PGAP4: variants seen among roughly 807,000 people sequenced by gnomAD.
The protein encoded by PGAP4 is post-GPI attachment to proteins GalNAc transferase 4.
Under a neutral mutation model 28.2 loss-of-function variants are expected in PGAP4, and 12 were observed. The observed-to-expected ratio is 0.42, with a 90% CI of 0.27 to 0.69. The LOEUF is 0.69. Ranked by LOEUF, PGAP4 falls within the 30% of genes least tolerant of loss-of-function variation. The pLI, the probability that PGAP4 is intolerant of heterozygous loss-of-function variation, is 0.22. For synonymous variants in PGAP4, 205 were observed against 211.8 expected, an observed-to-expected ratio of 0.97 and a Z score of 0.28; for missense variants, 425 against 513.5, an observed-to-expected ratio of 0.83 and a Z score of 1.67.
chr9:101,528,144 T>A (rs1404214697), intron 2 of PGAP4, among the ~76,000 whole-genome samples: 4 of 152,248 alleles, frequency 2.6e-5, no homozygotes, highest in African/African-American at 9.6e-5. Flanking sequence ...CATGGCCTCT[T>A]TGTGCCCTTC....
chr9:101,511,774 C>T (rs1826900688), intron 2 of PGAP4, among the ~76,000 whole-genome samples: 1 of 152,034 alleles, frequency 6.6e-6, no homozygotes, highest in Admixed American at 6.6e-5. Context: ...TCCATCAGGC[C>T]CATCTGAGCA....
upstream of PGAP4, among the ~76,000 whole-genome samples, chr9:101,491,128 G>A (rs951014049): frequency 3.9e-5 from 6 of 152,146 alleles, no homozygotes; most frequent in Non-Finnish European, 7.4e-5. Context: ...TTCCTTTGCT[G>A]TAAAATGGGT....
chr9:101,532,192 C>T (rs767922181), intron 1 of PGAP4, among the ~76,000 whole-genome samples: 1 of 151,890 alleles, frequency 6.6e-6, no homozygotes, highest in African/African-American at 2.4e-5. Context: ...ATTGCTTGAA[C>T]CTGTGAGGTG....
chr9:101,518,563 G>T (rs1249695741), intron 2 of PGAP4, among the ~76,000 whole-genome samples: 1 of 152,104 alleles, frequency 6.6e-6, no homozygotes, highest in Non-Finnish European at 1.5e-5. Context: ...ATTCTCATAC[G>T]ATGTTTGGTT....
intron 2 of PGAP4, among the ~76,000 whole-genome samples, chr9:101,499,368 A>G (rs1020927555): frequency 7.9e-5 from 12 of 151,938 alleles, no homozygotes; most frequent in African/African-American, 2.9e-4. Context: ...CCCACTTCTG[A>G]TATCATATAT....
At chr9:101,520,520 G>A (rs185072443) in intron 2 of PGAP4, among the ~76,000 whole-genome samples, 423 of 152,222 alleles carry the variant, frequency 2.8e-3, no homozygotes, top group Middle Eastern at 0.02. Context: ...TCTCCACTTG[G>A]TCACTGTTGG....
intron 2 of PGAP4, among the ~76,000 whole-genome samples, chr9:101,529,769 G>A (rs927509276): frequency 6.6e-6 from 1 of 152,178 alleles, no homozygotes; most frequent in African/African-American, 2.4e-5. Flanking sequence ...ACAAGAGGAG[G>A]GGGCTCGTTT....
intron 2 of PGAP4, among the ~76,000 whole-genome samples, chr9:101,507,744 AT>A (rs1826859867): frequency 6.6e-6 from 1 of 152,138 alleles, no homozygotes; most frequent in South Asian, 2.1e-4. Flanking sequence ...AGCTTGGGCC[AT>A]GGATTATTAT....
At chr9:101,499,465 G>A (rs1826779211) in intron 2 of PGAP4, among the ~76,000 whole-genome samples, 2 of 151,998 alleles carry the variant, frequency 1.3e-5, no homozygotes, top group Non-Finnish European at 1.5e-5. Flanking sequence ...GCATGCCATA[G>A]TAAACTATGT....
upstream of PGAP4, among the ~76,000 whole-genome samples, chr9:101,487,764 A>C (rs1554708664): frequency 6.6e-6 from 1 of 152,216 alleles, no homozygotes; most frequent in Non-Finnish European, 1.5e-5. Context: ...TGTTTTTTGC[A>C]ATATTTCATG....
chr9:101,525,699 CAAAA>C (rs397893277), intron 2 of PGAP4, among the ~76,000 whole-genome samples: 2 of 61,406 alleles, frequency 3.3e-5, no homozygotes, highest in Non-Finnish European at 6.7e-5. Flanking sequence ...CAGAGCGTCT[CAAAA>C]AAAAAAAAAA....
Position 101,486,359 on chromosome 9 carries a change from C to G in PGAP4, c.-78+590G>C, listed in dbSNP as rs1826613462. Among the ~76,000 whole-genome samples the G allele has an allele frequency of 6.6e-6, 1 of 152,200 alleles. No homozygotes were observed. Among genetic ancestry groups the G allele is most frequent in the South Asian group, 2.1e-4 (1 of 4,838 alleles). ...TCCCTTCTGCTGGTTTTTCCTGGTCCTGGGAGGGACGCCTTCCTCTGCCCA... is the reference window on the plus strand; with the variant it reads ...TCCCTTCTGCTGGTTTTTCCTGGTCGTGGGAGGGACGCCTTCCTCTGCCCA... On this transcript the variant is annotated intron_variant, in intron 1 of 1. Transcript: ENST00000374848. The surrounding 1 kb of genome is among the most constrained non-coding windows in gnomAD (Gnocchi z 4.7).
chr9:101,504,429 A>T (rs148429179), intron 2 of PGAP4, among the ~76,000 whole-genome samples: 2,326 of 151,910 alleles, frequency 0.015, 63 homozygotes, highest in Admixed American at 0.064. Context: ...TATTTTTAAC[A>T]ATTCTGGCAA....
rs143230073 is a variant in PGAP4, at chr9:101,495,098, T to A, written c.-164-5898A>T. Among the ~76,000 whole-genome samples, 571 of 135,280 alleles carry A rather than the reference T, an allele frequency of 4.2e-3. 7 individuals are homozygous for A. Among genetic ancestry groups the A allele is most frequent in the African/African-American group, 0.015 (542 of 36,600 alleles). 88.7% of individuals were successfully genotyped at this position (135,280 alleles called of 152,430 possible). On this transcript the variant is annotated intron_variant, in intron 2 of 3. Transcript: ENST00000374851. ...CCATTTATTATTTGACAATGTCTTT[T>A]CTGCAATTTATCAAGTGCCTAATTA...
intron 2 of PGAP4, among the ~76,000 whole-genome samples, chr9:101,523,711 T>TA (rs1827009258): frequency 7.1e-6 from 1 of 140,518 alleles, no homozygotes; most frequent in African/African-American, 2.6e-5. Context: ...GCTTAATAAC[T>TA]AACCTCCTGA....
intron 2 of PGAP4, among the ~76,000 whole-genome samples, chr9:101,523,618 T>A (rs900938413): frequency 1.0e-5 from 1 of 97,188 alleles, no homozygotes; most frequent in African/African-American, 3.7e-5. Context: ...ACTTCTTGTA[T>A]CTTTTTTTTT....
At chr9:101,493,745 T>G (rs1026723836) in intron 2 of PGAP4, among the ~76,000 whole-genome samples, 14 of 152,308 alleles carry the variant, frequency 9.2e-5, no homozygotes, top group African/African-American at 2.9e-4. Context: ...GTCATGACGT[T>G]AGCAGTTTGG....
At chr9:101,483,762 G>A (rs12684763) in intron 1 of PGAP4, among the ~76,000 whole-genome samples, 30,520 of 151,268 alleles carry the variant, frequency 0.2, 4,123 homozygotes, top group African/African-American at 0.38. Flanking sequence ...CAGTCAAAAG[G>A]GAAAAAAATA....
chr9:101,504,962 T>A (rs1261916159), intron 2 of PGAP4, among the ~76,000 whole-genome samples: 1 of 151,962 alleles, frequency 6.6e-6, no homozygotes, highest in Non-Finnish European at 1.5e-5. Flanking sequence ...CATAGATGGG[T>A]TAGATGATAC....
Sources: allele counts gnomAD v4.1 joint callset (sites outside exome capture counted in the v4.1 genomes callset), GRCh38; gene constraint gnomAD v4.1.1; non-coding constraint Gnocchi (gnomAD v3.1); transcripts MANE v1.5; gene names NCBI Gene and HGNC (gene_info 2026-07-23, HGNC 2026-07-21).